Variants in FBLN5 observed in about 807,000 individuals in gnomAD.
The protein encoded by FBLN5 is fibulin 5.
Under a neutral mutation model 61.6 loss-of-function variants are expected in FBLN5, and 24 were observed. The ratio of observed to expected loss-of-function variants is 0.39; its 90% CI spans 0.28 to 0.55. The LOEUF is 0.55. Ranked by LOEUF, FBLN5 falls within the 20% of genes least tolerant of loss-of-function variation. FBLN5 has a pLI of 0.65. For synonymous variants in FBLN5, 213 were observed against 219.8 expected, an observed-to-expected ratio of 0.97 and a Z score of 0.27; for missense variants, 470 against 594.1, an observed-to-expected ratio of 0.79 and a Z score of 2.17.
At chr14:91,886,095 T>A (rs1186451650) in intron 7 of FBLN5, among the ~76,000 whole-genome samples, 1 of 152,242 alleles carries the variant, frequency 6.6e-6, no homozygotes, top group African/African-American at 2.4e-5. Context: ...ATTCATGACC[T>A]GGGTCAGTTC....
chr14:91,894,428 C>CAAAAAAAAAAA (rs1491576623), intron 5 of FBLN5, among the ~76,000 whole-genome samples: 6 of 72,600 alleles, frequency 8.3e-5, no homozygotes, highest in Admixed American at 4.5e-4. Flanking sequence ...AAAAAAAAAA[C>CAAAAAAAAAAA]CGAAAAAAAC....
intron 4 of FBLN5, among the ~76,000 whole-genome samples, chr14:91,895,536 C>T (rs960577452): frequency 1.7e-4 from 26 of 152,004 alleles, no homozygotes; most frequent in Non-Finnish European, 2.5e-4. Flanking sequence ...TGGTGGCTCA[C>T]GCCTGTAATC....
Position 91,882,847 on chromosome 14 carries a change from C to T in FBLN5, c.862+107G>A. 7.3e-7 allele frequency: 1 copy of T among 1,364,040 alleles called. No homozygotes were observed. The highest frequency in any genetic ancestry group is 1.2e-5 in the South Asian group (1 of 80,732). 84.5% of individuals were successfully genotyped at this position (1,364,040 alleles called of 1,614,324 possible). On this transcript the variant is annotated intron_variant, in intron 8 of 10. Transcript: ENST00000342058. This position sits in a 1 kb window ranked among gnomAD's most constrained non-coding sequence, Gnocchi z 4.9. ...CCACTCACACCCCCACCCCTGCCACCTTCCCAAAGCTGCACATGATTCCCC... is the reference window on the plus strand; with the variant it reads ...CCACTCACACCCCCACCCCTGCCACTTTCCCAAAGCTGCACATGATTCCCC...
Position 91,947,339 on chromosome 14 carries a change from T to A in FBLN5, c.-110A>T. ...CCTCTGGGCCCTCGGGGCTCGCGGG[T>A]GTTTTATTCCAGAGGGGCCGAGCGA... On this transcript the variant is annotated 5_prime_UTR_variant, in exon 1 of 11. Coordinates refer to ENST00000342058, the MANE Select transcript of FBLN5 (RefSeq NM_006329.4). The surrounding 1 kb of genome is among the most constrained non-coding windows in gnomAD (Gnocchi z 4.3). The A allele has an allele frequency of 7.6e-7, 1 of 1,316,602 alleles. No homozygotes were observed. The highest frequency in any genetic ancestry group is 1.1e-6 in the Non-Finnish European group (1 of 918,166). 81.6% of individuals were successfully genotyped at this position (1,316,602 alleles called of 1,614,324 possible). A position where few individuals can be genotyped will look rare whatever the true frequency, so the allele number is the denominator to read the frequency against.
At chr14:91,929,865 T>C (rs1469441083) in intron 4 of FBLN5, among the ~76,000 whole-genome samples, 1 of 152,132 alleles carries the variant, frequency 6.6e-6, no homozygotes, top group Non-Finnish European at 1.5e-5. Context: ...ACCTCTTGAG[T>C]CAGAACTGCA....
In FBLN5 at chr14:91,884,167, C is replaced by T. The variant is rs181323575; in HGVS notation, c.740-1091G>A. ...ATCAGATAATTCCGGGTGTTACACG[C>T]CTTGTGCCTCTCACATCCCAGAAGG... On this transcript the variant is annotated intron_variant, in intron 7 of 10. Transcript: ENST00000342058. 1.8e-4 allele frequency among the ~76,000 whole-genome samples: 28 copies of T among 152,296 alleles called. No homozygotes were observed. The East Asian group carries it at 5.4e-3, about 29-fold the overall frequency.
At chr14:91,873,151 G>A (rs977412481) in intron 10 of FBLN5, among the ~76,000 whole-genome samples, 1 of 152,218 alleles carries the variant, frequency 6.6e-6, no homozygotes, top group African/African-American at 2.4e-5. Context: ...TGCCACAAGA[G>A]CTGAGGACAG....
chr14:91,906,996 G>A (rs1188016434), intron 4 of FBLN5, among the ~76,000 whole-genome samples: 1 of 152,168 alleles, frequency 6.6e-6, no homozygotes, highest in Non-Finnish European at 1.5e-5. Context: ...AAGAATGGGG[G>A]CACTCCCAGG....
chr14:91,899,128 C>T (rs1890350704), intron 4 of FBLN5, among the ~76,000 whole-genome samples: 1 of 145,704 alleles, frequency 6.9e-6, no homozygotes, highest in African/African-American at 2.6e-5. Context: ...TTATGCTCTA[C>T]AGCGGCTGTG....
intron 10 of FBLN5, among the ~76,000 whole-genome samples, chr14:91,872,987 T>C (rs1889010137): frequency 1.3e-5 from 2 of 152,150 alleles, no homozygotes; most frequent in African/African-American, 4.8e-5. Context: ...TCCTTTGGGC[T>C]CTCCTGGTAA....
At chr14:91,941,364 T>G (rs2056101530) in intron 2 of FBLN5, among the ~76,000 whole-genome samples, 1 of 152,154 alleles carries the variant, frequency 6.6e-6, no homozygotes, top group African/African-American at 2.4e-5. Context: ...GGTTGTAGCT[T>G]TTACATACAA....
chr14:91,925,158 T>G (rs1464497172), intron 4 of FBLN5, among the ~76,000 whole-genome samples: 1 of 152,178 alleles, frequency 6.6e-6, no homozygotes, highest in Non-Finnish European at 1.5e-5. Flanking sequence ...TCCACAAATG[T>G]TTTAGTTTGA....
chr14:91,917,069 T>C (rs1008134938), intron 4 of FBLN5, among the ~76,000 whole-genome samples: 2 of 152,136 alleles, frequency 1.3e-5, no homozygotes, highest in African/African-American at 4.8e-5. Context: ...GAGCTCGAGA[T>C]TAAGGCAATC....
intron 4 of FBLN5, among the ~76,000 whole-genome samples, chr14:91,926,235 C>A (rs2474033): frequency 0.97 from 147,653 of 152,198 alleles, 71,645 homozygotes; most frequent in East Asian, 1. Flanking sequence ...CCCTCGGTGC[C>A]CACACCTGGG....
At chr14:91,921,917 C>A (rs377202426) in intron 4 of FBLN5, among the ~76,000 whole-genome samples, 3 of 152,156 alleles carry the variant, frequency 2.0e-5, no homozygotes, top group East Asian at 3.8e-4. Context: ...CCTAAAAGGG[C>A]CTAAAGCTGG....
chr14:91,935,258 G>A (rs907940572), intron 4 of FBLN5, among the ~76,000 whole-genome samples: 1 of 152,232 alleles, frequency 6.6e-6, no homozygotes, highest in Non-Finnish European at 1.5e-5. Context: ...CTGGAAAGAG[G>A]TTTAGGGGAA....
intron 4 of FBLN5, among the ~76,000 whole-genome samples, chr14:91,913,010 C>T (rs1356496768): frequency 6.6e-6 from 1 of 152,122 alleles, no homozygotes; most frequent in Non-Finnish European, 1.5e-5. Flanking sequence ...TCAATATGTA[C>T]TCCATATTGA....
chr14:91,905,980 C>T (rs746548519), intron 4 of FBLN5, among the ~76,000 whole-genome samples: 4 of 151,828 alleles, frequency 2.6e-5, no homozygotes, highest in Admixed American at 6.6e-5. Flanking sequence ...CTCTGCCTCC[C>T]GGGTCAAGCG....
rs536493693 is a variant in FBLN5, at chr14:91,947,400, T to C, written c.-171A>G. 2 of 728,470 alleles carry C rather than the reference T, an allele frequency of 2.7e-6. No individual in the cohort carries two copies. The allele number at this position is 728,470 out of a possible 1,614,324, so 45.1% of individuals were successfully genotyped here. A position where few individuals can be genotyped will look rare whatever the true frequency, so the allele number is the denominator to read the frequency against. On this transcript the variant is annotated 5_prime_UTR_variant, in exon 1 of 11. Coordinates refer to ENST00000342058, the MANE Select transcript of FBLN5 (RefSeq NM_006329.4). The surrounding 1 kb of genome is among the most constrained non-coding windows in gnomAD (Gnocchi z 4.3). ...GGACACGGGGAGAGCGCCGGGGTCC[T>C]CCCAGCCACTGCAGAGCCCTCAGCG...
Sources: allele counts gnomAD v4.1 joint callset (sites outside exome capture counted in the v4.1 genomes callset), GRCh38; gene constraint gnomAD v4.1.1; non-coding constraint Gnocchi (gnomAD v3.1); transcripts MANE v1.5; gene names NCBI Gene and HGNC (gene_info 2026-07-23, HGNC 2026-07-21).